The following CNTNAP2 variants were observed in gnomAD, a reference collection of about 807,000 sequenced individuals.
CNTNAP2 encodes the protein contactin associated protein 2.
Under a neutral mutation model 155.2 loss-of-function variants are expected in CNTNAP2, and 98 were observed. That is an observed-to-expected ratio of 0.63 (90% confidence interval 0.54 to 0.75). The LOEUF is 0.75. Among genes scored for constraint, CNTNAP2 ranks in the 30% least tolerant of loss-of-function variants. CNTNAP2 has a pLI of 0.00. For synonymous variants in CNTNAP2, 651 were observed against 631.2 expected, an observed-to-expected ratio of 1.03 and a Z score of -0.47; for missense variants, 1,727 against 1,688.1, an observed-to-expected ratio of 1.02 and a Z score of -0.40.
At chr7:147,108,543 C>T (rs1800814072) in intron 5 of CNTNAP2, among the ~76,000 whole-genome samples, 193 bp downstream of exon 5, 1 of 152,168 alleles carries the variant, frequency 6.6e-6, no homozygotes, top group South Asian at 2.1e-4. Flanking sequence ...AACACCTCTA[C>T]TATACAAGTT....
intron 1 of CNTNAP2, among the ~76,000 whole-genome samples, chr7:146,524,522 A>G (rs1288915482): frequency 6.6e-6 from 1 of 152,076 alleles, no homozygotes; most frequent in Non-Finnish European, 1.5e-5. Context: ...CCACGATTGT[A>G]TCTGATCTTT....
At chr7:148,036,177 G>A (rs1201957154) in intron 15 of CNTNAP2, among the ~76,000 whole-genome samples, 1 of 152,158 alleles carries the variant, frequency 6.6e-6, no homozygotes, top group Non-Finnish European at 1.5e-5. Context: ...CTGGACTTTG[G>A]ACTTTGAGTT....
At position 147,977,659 on chromosome 7, in the gene CNTNAP2, T is replaced by C. The variant is rs4296960; in HGVS notation, c.2256-203T>C. On this transcript the variant is annotated intron_variant, in intron 14 of 23. Transcript: ENST00000361727. ...GGTGTCGCTTCTGTTTTCCAGAAGA[T>C]GAAGATGCCAGAAGGGCTTCTGAGC... is the stretch of plus-strand genomic sequence containing the variant. Among the ~76,000 whole-genome samples the C allele has an allele frequency of 0.46, 70,240 of 151,942 alleles. 16,881 individuals are homozygous for C. Among genetic ancestry groups the C allele is most frequent in the East Asian group, 0.75 (3,864 of 5,152 alleles).
chr7:146,266,449 G>A (rs1799995156), intron 1 of CNTNAP2, among the ~76,000 whole-genome samples: 1 of 152,094 alleles, frequency 6.6e-6, no homozygotes, highest in Non-Finnish European at 1.5e-5. Flanking sequence ...TAAAAACCTT[G>A]ACAAGTACAG....
At chr7:148,012,295 G>A (rs1802095374) in intron 15 of CNTNAP2, among the ~76,000 whole-genome samples, 1 of 152,178 alleles carries the variant, frequency 6.6e-6, no homozygotes, top group South Asian at 2.1e-4. Flanking sequence ...AAAGACACTT[G>A]TTAATTTTTA....
At chr7:148,262,762 A>G (rs550963478) in intron 20 of CNTNAP2, among the ~76,000 whole-genome samples, 1 of 152,276 alleles carries the variant, frequency 6.6e-6, no homozygotes, top group East Asian at 1.9e-4. Context: ...CCTGAGAATT[A>G]GGATGTTATC....
At chr7:148,224,442 C>T (rs1044757616) in intron 19 of CNTNAP2, among the ~76,000 whole-genome samples, 9 of 152,028 alleles carry the variant, frequency 5.9e-5, no homozygotes, top group Admixed American at 2.0e-4. Context: ...AAGAGAAGTT[C>T]GTGGTAGTTT....
intron 18 of CNTNAP2, among the ~76,000 whole-genome samples, chr7:148,189,290 G>T (rs1795166598): frequency 6.6e-6 from 1 of 152,086 alleles, no homozygotes; most frequent in African/African-American, 2.4e-5. Context: ...GAAGGTAAGA[G>T]TCAATCTAAA....
intron 1 of CNTNAP2, among the ~76,000 whole-genome samples, chr7:146,691,687 T>C (rs1210572524): frequency 6.6e-6 from 1 of 152,120 alleles, no homozygotes; most frequent in Non-Finnish European, 1.5e-5. Context: ...CAATGTTTCT[T>C]TACTGAATGT....
chr7:147,795,610 CT>C (rs1469805195), intron 13 of CNTNAP2, among the ~76,000 whole-genome samples: 1 of 152,092 alleles, frequency 6.6e-6, no homozygotes, highest in African/African-American at 2.4e-5. Context: ...TTTCATAATA[CT>C]TTTCTACCCC....
chr7:147,211,308 C>T (rs1803140662), intron 8 of CNTNAP2, among the ~76,000 whole-genome samples: 2 of 151,998 alleles, frequency 1.3e-5, no homozygotes, highest in Non-Finnish European at 2.9e-5. Flanking sequence ...AATCTGGGTA[C>T]TCCAAGGTTG....
At chr7:146,624,720 C>A (rs533518358) in intron 1 of CNTNAP2, among the ~76,000 whole-genome samples, 13 of 151,848 alleles carry the variant, frequency 8.6e-5, no homozygotes, top group African/African-American at 1.2e-4. Context: ...TCTTTCCTTG[C>A]CATATAAGTT....
intron 3 of CNTNAP2, among the ~76,000 whole-genome samples, chr7:146,842,045 G>C (rs1375503539): frequency 4.7e-5 from 2 of 42,572 alleles, no homozygotes; most frequent in African/African-American, 1.4e-4. Flanking sequence ...ACCATGCCTG[G>C]CTAATTTTTT....
In CNTNAP2 at chr7:146,309,271, C is replaced by T. The variant is rs116883877; in HGVS notation, c.97+192298C>T. ...TTTCAGAACGTGTGATTTGTTTTAA[C>T]GGTGCTCTCGGGCTGCCATATGTGT... On this transcript the variant is annotated intron_variant, in intron 1 of 23. Coordinates refer to ENST00000361727, the MANE Select transcript of CNTNAP2 (RefSeq NM_014141.6). Among the ~76,000 whole-genome samples, 239 of 152,132 alleles carry T rather than the reference C, an allele frequency of 1.6e-3. 2 individuals are homozygous for T. In the East Asian group the frequency reaches 0.035, roughly 22 times the overall value.
chr7:146,471,534 A>G (rs571373949), intron 1 of CNTNAP2, among the ~76,000 whole-genome samples: 2 of 152,366 alleles, frequency 1.3e-5, no homozygotes, highest in South Asian at 4.1e-4. Context: ...TTGCTGTGAT[A>G]GAGCACTCCT....
At chr7:147,088,414 G>A (rs2129271801) in intron 4 of CNTNAP2, among the ~76,000 whole-genome samples, 1 of 152,226 alleles carries the variant, frequency 6.6e-6, no homozygotes, top group East Asian at 1.9e-4. Context: ...AAGTTGCAAA[G>A]CTCCTTTTCT....
chr7:146,670,675 A>G (rs1012729867), intron 1 of CNTNAP2, among the ~76,000 whole-genome samples: 6 of 152,162 alleles, frequency 3.9e-5, no homozygotes, highest in African/African-American at 9.7e-5. Flanking sequence ...CCACATGTCT[A>G]TGTTGATCCC....
chr7:147,480,719 C>T (rs1165147803), intron 10 of CNTNAP2, among the ~76,000 whole-genome samples: 1 of 152,138 alleles, frequency 6.6e-6, no homozygotes, highest in Non-Finnish European at 1.5e-5. Flanking sequence ...TCCTTGTGCT[C>T]CCTTCCTGGG....
intron 12 of CNTNAP2, among the ~76,000 whole-genome samples, chr7:147,628,351 G>A (rs1425515186): frequency 2.0e-5 from 3 of 152,120 alleles, no homozygotes; most frequent in African/African-American, 7.2e-5. Flanking sequence ...CAAAATAATT[G>A]TCAGCCCAGG....
Sources: allele counts gnomAD v4.1 joint callset (sites outside exome capture counted in the v4.1 genomes callset), GRCh38; gene constraint gnomAD v4.1.1; transcripts MANE v1.5; gene names NCBI Gene and HGNC (gene_info 2026-07-23, HGNC 2026-07-21).